The following RORA variants were observed in gnomAD, a reference collection of about 807,000 sequenced individuals.
RORA encodes the protein RAR related orphan receptor A.
A neutral mutation model predicts 69.5 loss-of-function variants in RORA; 7 were observed. That is an observed-to-expected ratio of 0.10 (90% CI 0.06 to 0.19). RORA has a LOEUF of 0.19. Ranked by LOEUF, RORA falls within the 10% of genes least tolerant of loss-of-function variation. RORA has a pLI of 1.00. For synonymous variants in RORA, 261 were observed against 240.8 expected (o/e 1.08, Z -0.78); for missense variants, 457 against 663.0 (o/e 0.69, Z 3.41).
At chr15:60,716,281 T>C (rs1299913818) in intron 1 of RORA, among the ~76,000 whole-genome samples, 2 of 152,208 alleles carry the variant, frequency 1.3e-5, no homozygotes, top group Non-Finnish European at 2.9e-5. Context: ...GGTAGACTTC[T>C]GTGAGGTGCC....
intron 1 of RORA, among the ~76,000 whole-genome samples, chr15:61,192,679 T>C (rs1370289179): frequency 1.3e-5 from 2 of 152,212 alleles, no homozygotes; most frequent in African/African-American, 2.4e-5. Context: ...ATTTATGGAA[T>C]AGATTATAAT....
chr15:60,840,177 C>CT (rs1014705947), intron 1 of RORA, among the ~76,000 whole-genome samples: 25 of 152,238 alleles, frequency 1.6e-4, no homozygotes, highest in African/African-American at 5.5e-4. Flanking sequence ...CACTTGCTGC[C>CT]TTAGTATGAG....
chr15:60,671,672 C>T (rs572280972), intron 2 of RORA, among the ~76,000 whole-genome samples: 496 of 151,850 alleles, frequency 3.3e-3, no homozygotes, highest in African/African-American at 0.01. Context: ...AGTGCAGTGG[C>T]GTGATCTCGG....
chr15:60,809,601 T>C (rs998535167), intron 1 of RORA, among the ~76,000 whole-genome samples: 7 of 152,148 alleles, frequency 4.6e-5, no homozygotes, highest in African/African-American at 1.7e-4. Context: ...GTTTTTGCTT[T>C]CTTTCAAGAA....
intron 1 of RORA, among the ~76,000 whole-genome samples, chr15:60,833,383 T>G (rs973780220): frequency 1.3e-5 from 2 of 151,944 alleles, no homozygotes; most frequent in East Asian, 3.9e-4. Context: ...GCCTGGCTAA[T>G]TTTTGTATTT....
intron 1 of RORA, among the ~76,000 whole-genome samples, chr15:61,186,067 C>G (rs533073342): frequency 1.3e-5 from 2 of 152,176 alleles, no homozygotes; most frequent in Non-Finnish European, 2.9e-5. Flanking sequence ...CCTCCTAAAA[C>G]GTGAAAAATT....
chr15:60,915,045 A>G (rs1891832887), intron 1 of RORA, among the ~76,000 whole-genome samples: 1 of 152,204 alleles, frequency 6.6e-6, no homozygotes. Context: ...GAGACTATCT[A>G]TCATACCCAA....
chr15:60,780,983 G>T (rs2072244655), intron 1 of RORA, among the ~76,000 whole-genome samples: 1 of 152,150 alleles, frequency 6.6e-6, no homozygotes, highest in Admixed American at 6.5e-5. Context: ...TTAGTAGGTG[G>T]ATTCTATTAT....
intron 1 of RORA, among the ~76,000 whole-genome samples, chr15:60,779,866 T>C (rs1254625406): frequency 6.6e-6 from 1 of 152,164 alleles, no homozygotes; most frequent in Admixed American, 6.5e-5. Context: ...TTGTGGCTCA[T>C]ATGCACCAAG....
intron 1 of RORA, among the ~76,000 whole-genome samples, chr15:60,854,663 A>G (rs1358642166): frequency 6.6e-6 from 1 of 152,254 alleles, no homozygotes; most frequent in Non-Finnish European, 1.5e-5. Context: ...ACAGAAATAC[A>G]TAAATAACAA....
chr15:60,743,819 G>T (rs765044959), intron 1 of RORA, among the ~76,000 whole-genome samples: 3 of 152,204 alleles, frequency 2.0e-5, no homozygotes, highest in Non-Finnish European at 2.9e-5. Flanking sequence ...AGGAAAAAGT[G>T]ATTTACAGCT....
chr15:60,841,759 G>A (rs1169762582), intron 1 of RORA, among the ~76,000 whole-genome samples: 3 of 152,080 alleles, frequency 2.0e-5, no homozygotes, highest in Admixed American at 6.5e-5. Flanking sequence ...GTTGTGCTCC[G>A]CCCTTTATCT....
At position 60,567,132 on chromosome 15, in the gene RORA, T is replaced by C. The variant is rs2081167536; in HGVS notation, c.197-35281A>G. ...CTAGCCTATGAGTTTTTAAAATATG[T>C]TTCTAGCCATTAATAACCAGGGAAT... is the stretch of plus-strand genomic sequence containing the variant. On this transcript the variant is annotated intron_variant, in intron 2 of 10. Transcript: ENST00000335670. 1.3e-5 allele frequency among the ~76,000 whole-genome samples: 2 copies of C among 152,032 alleles called. 1 individual carries two copies. Among genetic ancestry groups the C allele is most frequent in the Admixed American group, 1.3e-4 (2 of 15,276 alleles).
chr15:60,739,576 A>C (rs954603837), intron 1 of RORA, among the ~76,000 whole-genome samples: 1 of 152,066 alleles, frequency 6.6e-6, no homozygotes, highest in Non-Finnish European at 1.5e-5. Context: ...GTCGCAAAAA[A>C]AAAAAAGTTT....
intron 1 of RORA, among the ~76,000 whole-genome samples, chr15:61,042,075 G>A (rs554728718): frequency 5.6e-4 from 85 of 152,212 alleles, no homozygotes; most frequent in African/African-American, 1.9e-3. Flanking sequence ...CTACAATAGC[G>A]TCTAGGTTGG....
chr15:61,129,930 T>C (rs2079176127), intron 1 of RORA, among the ~76,000 whole-genome samples: 1 of 152,228 alleles, frequency 6.6e-6, no homozygotes, highest in Non-Finnish European at 1.5e-5. Flanking sequence ...ATGTATTCCA[T>C]TTCCTCAGAG....
rs2066730634 is a variant in RORA at position 60,537,978 on chromosome 15, G to A, written c.197-6127C>T. Among the ~76,000 whole-genome samples the A allele has an allele frequency of 6.6e-6, 1 of 151,982 alleles. No individual in the cohort carries two copies. On this transcript the variant is annotated intron_variant, in intron 2 of 10. Transcript: ENST00000335670. This position sits in a 1 kb window ranked among gnomAD's most constrained non-coding sequence, Gnocchi z 4.9. ...ATCCTTGTTAGCTTGCTTTGATTTT[G>A]GTGCTTTCAACATCCCTAAAGGAGG...
chr15:60,633,440 G>C (rs1258716158), intron 2 of RORA, among the ~76,000 whole-genome samples: 2 of 152,104 alleles, frequency 1.3e-5, no homozygotes, highest in East Asian at 1.9e-4. Context: ...ACTTCCTTTG[G>C]AGCACAGCTC....
At chr15:61,192,304 T>C (rs1373298731) in intron 1 of RORA, among the ~76,000 whole-genome samples, 2 of 152,372 alleles carry the variant, frequency 1.3e-5, no homozygotes, top group East Asian at 3.9e-4. Context: ...TACTGGCTTA[T>C]GCCTAAAGGC....
Sources: allele counts gnomAD v4.1 joint callset (sites outside exome capture counted in the v4.1 genomes callset), GRCh38; gene constraint gnomAD v4.1.1; non-coding constraint Gnocchi (gnomAD v3.1); transcripts MANE v1.5; gene names NCBI Gene and HGNC (gene_info 2026-07-23, HGNC 2026-07-21).